The following AK7 variants were observed in gnomAD, a reference collection of about 807,000 sequenced individuals.
AK7 encodes the protein adenylate kinase 7, also known as ATP-AMP transphosphorylase 7.
AK7 carries 78 observed loss-of-function variants against 96.6 expected under a neutral mutation model. The ratio of observed to expected loss-of-function variants is 0.81; its 90% CI spans 0.67 to 0.97. AK7 has a LOEUF of 0.97. AK7 is among the 50% of genes least tolerant of loss of function. The pLI, the probability that AK7 is intolerant of heterozygous loss-of-function variation, is 0.00. For missense variants in AK7, 855 were observed against 887.9 expected, an observed-to-expected ratio of 0.96 and a Z score of 0.47; for synonymous variants, 302 against 317.2, an observed-to-expected ratio of 0.95 and a Z score of 0.51.
chr14:96,466,915 T>C (rs1894597944), intron 12 of AK7, among the ~76,000 whole-genome samples: 2 of 151,966 alleles, frequency 1.3e-5, no homozygotes, highest in South Asian at 4.1e-4. Flanking sequence ...GCTGCCCAAA[T>C]AAACCTATAA....
At chr14:96,475,296 T>C (rs895047133) in intron 14 of AK7, among the ~76,000 whole-genome samples, 1 of 152,206 alleles carries the variant, frequency 6.6e-6, no homozygotes, top group African/African-American at 2.4e-5. Flanking sequence ...GTCAATGCCA[T>C]TGAAATAATT....
chr14:96,454,202 A>G (rs939615067), intron 10 of AK7, among the ~76,000 whole-genome samples: 1 of 152,196 alleles, frequency 6.6e-6, no homozygotes, highest in Non-Finnish European at 1.5e-5. Context: ...GGATGAAATT[A>G]TATAATCTGT....
chr14:96,431,677 C>A (rs1892360621), intron 5 of AK7, among the ~76,000 whole-genome samples: 1 of 152,108 alleles, frequency 6.6e-6, no homozygotes, highest in South Asian at 2.1e-4. Flanking sequence ...TTACTTCCAA[C>A]TATGTGGTCA....
At chr14:96,437,377 G>A (rs2369664) in intron 5 of AK7, among the ~76,000 whole-genome samples, 96,854 of 151,796 alleles carry the variant, frequency 0.64, 31,078 homozygotes, top group African/African-American at 0.7. Context: ...AAAAATAAAG[G>A]AATACTGACT....
chr14:96,409,876 C>T (rs556256994), intron 4 of AK7, among the ~76,000 whole-genome samples: 1 of 152,282 alleles, frequency 6.6e-6, no homozygotes, highest in Admixed American at 6.5e-5. Flanking sequence ...TTTTAAAAGG[C>T]AATTAAATCA....
At chr14:96,433,796 C>A (rs1279523989) in intron 5 of AK7, among the ~76,000 whole-genome samples, 1 of 152,100 alleles carries the variant, frequency 6.6e-6, no homozygotes, top group East Asian at 1.9e-4. Context: ...AGGGGGTTTT[C>A]AAGCTCATTC....
At chr14:96,472,323 G>A (rs6575589) in intron 13 of AK7, among the ~76,000 whole-genome samples, 69,129 of 151,940 alleles carry the variant, frequency 0.45, 15,793 homozygotes, top group South Asian at 0.53. Flanking sequence ...GACCACGCCC[G>A]ACTAATTTAA....
chr14:96,427,210 A>C (rs1892074941), intron 5 of AK7, among the ~76,000 whole-genome samples: 1 of 152,106 alleles, frequency 6.6e-6, no homozygotes. Context: ...ACTCCATTGC[A>C]CTCCAGCCTG....
At chr14:96,422,677 T>C (rs1338961847) in intron 5 of AK7, among the ~76,000 whole-genome samples, 1 of 152,202 alleles carries the variant, frequency 6.6e-6, no homozygotes, top group African/African-American at 2.4e-5. Flanking sequence ...TGGCTCATTC[T>C]GGCAGCCCAA....
chr14:96,458,512 C>T lies in AK7; in HGVS notation c.1357+300C>T, dbSNP rs188950463. ...ATCCCAGCACTTTGGGAGGCCGAGG[C>T]GGGTGGATCACCTGAGGTCATGAGT... On this transcript the variant is annotated intron_variant, in intron 12 of 17. Transcript: ENST00000267584. Among the ~76,000 whole-genome samples, 142 of 151,740 alleles carry T rather than the reference C, an allele frequency of 9.4e-4. 1 individual carries two copies. Among genetic ancestry groups the T allele is most frequent in the African/African-American group, 2.9e-3 (119 of 41,370 alleles).
chr14:96,448,782 C>A (rs372038877), intron 8 of AK7, among the ~76,000 whole-genome samples: 2 of 151,742 alleles, frequency 1.3e-5, no homozygotes, highest in East Asian at 1.9e-4. Context: ...ATGGTGAAAA[C>A]CCTTCTCTAC....
chr14:96,398,301 G>T, intron 2 of AK7, 38 bp downstream of exon 2: 1 of 1,604,832 alleles, frequency 6.2e-7, no homozygotes, highest in South Asian at 1.1e-5. Flanking sequence ...TAGACAGAGG[G>T]AAGAGTCACC....
intron 2 of AK7, among the ~76,000 whole-genome samples, chr14:96,401,732 G>A (rs953474908): frequency 1.3e-5 from 2 of 152,198 alleles, no homozygotes; most frequent in Non-Finnish European, 2.9e-5. Context: ...CCTGGTTCAG[G>A]TTATGAAAGG....
At chr14:96,408,579 G>A (rs1294084668) in intron 3 of AK7, among the ~76,000 whole-genome samples, 1 of 152,262 alleles carries the variant, frequency 6.6e-6, no homozygotes, top group Non-Finnish European at 1.5e-5. Context: ...CAACTGATGA[G>A]CATAGTGGAG....
chr14:96,397,321 T>C (rs1890138372), intron 1 of AK7, among the ~76,000 whole-genome samples: 1 of 152,128 alleles, frequency 6.6e-6, no homozygotes, highest in South Asian at 2.1e-4. Flanking sequence ...CAATCTAGGC[T>C]CACTGCAACT....
At chr14:96,439,790 T>C (rs1347055899) in intron 6 of AK7, among the ~76,000 whole-genome samples, 1 of 151,740 alleles carries the variant, frequency 6.6e-6, no homozygotes, top group Non-Finnish European at 1.5e-5. Context: ...AGGACAAAAG[T>C]CTAACAGCCG....
chr14:96,486,967 A>G lies in AK7; in HGVS notation c.2044A>G (p.Asn682Asp), dbSNP rs757262133. 1 of 1,614,114 alleles carries G rather than the reference A, an allele frequency of 6.2e-7. No individual in the cohort carries two copies. The highest frequency in any genetic ancestry group is 8.5e-7 in the Non-Finnish European group (1 of 1,179,956). Residue 682 changes from asparagine (N) to aspartate (D), a missense_variant, in exon 17 of 18, where the codon AAC becomes GAC. Transcript: ENST00000267584. ...GGAGGCTCAGTCAATTCCCCTGAGA[A>G]ACTATTTAATGACCTATGTGATGCC... ...LLEAQSIPLR[N>D]YLMTYVMPTL...
chr14:96,483,261 CAG>C, intron 16 of AK7, 42 bp downstream of exon 16: 6 of 1,550,730 alleles, frequency 3.9e-6, no homozygotes, highest in Non-Finnish European at 5.2e-6. Context: ...ATCTGTGGAA[CAG>C]GGGTGCGGTG....
At chr14:96,395,466 G>C (rs763685500) in intron 1 of AK7, among the ~76,000 whole-genome samples, 1 of 152,094 alleles carries the variant, frequency 6.6e-6, no homozygotes, top group East Asian at 1.9e-4. Flanking sequence ...AAGTGGATGA[G>C]TGGACCTACA....
Sources: allele counts gnomAD v4.1 joint callset (sites outside exome capture counted in the v4.1 genomes callset), GRCh38; gene constraint gnomAD v4.1.1; transcripts MANE v1.5; gene names NCBI Gene and HGNC (gene_info 2026-07-23, HGNC 2026-07-21).